The following COL16A1 variants were observed in gnomAD, a reference collection of about 807,000 sequenced individuals.
COL16A1 encodes the protein collagen type XVI alpha 1 chain, also known as collagen alpha-1(XVI) chain.
Under a neutral mutation model 266.3 loss-of-function variants are expected in COL16A1, and 189 were observed. The observed-to-expected ratio is 0.71, with a 90% CI of 0.63 to 0.80. The LOEUF (loss-of-function observed/expected upper bound fraction) is 0.80, where lower values mean the gene tolerates loss of function less well. Ranked by LOEUF, COL16A1 falls within the 30% of genes least tolerant of loss-of-function variation. The probability of loss-of-function intolerance (pLI) is 0.00; values close to 1 mark genes in which losing one functional copy is unlikely to be tolerated. For synonymous variants in COL16A1, 740 were observed against 782.3 expected, an observed-to-expected ratio of 0.95 and a Z score of 0.90; for missense variants, 1,928 against 2,122.4, an observed-to-expected ratio of 0.91 and a Z score of 1.80.
intron 39 of COL16A1, among the ~76,000 whole-genome samples, chr1:31,680,387 C>A (rs1643543738): frequency 1.3e-5 from 2 of 152,204 alleles, no homozygotes; most frequent in Admixed American, 1.3e-4. Flanking sequence ...AAACGATGGT[C>A]CTGCTGTTAC....
chr1:31,701,366 G>C (rs1161482598), intron 2 of COL16A1: 2 of 985,264 alleles, frequency 2.0e-6, no homozygotes, highest in East Asian at 2.3e-4. Flanking sequence ...GCACATACAA[G>C]GGGCAGGCGG....
chr1:31,679,728 C>T (rs1643465912), intron 41 of COL16A1, 43 bp from the exon 42 acceptor site: 1 of 1,612,026 alleles, frequency 6.2e-7, no homozygotes, highest in Non-Finnish European at 8.5e-7. Flanking sequence ...GAGAGCTCTG[C>T]CCCATGGCCG....
Position 31,668,909 on chromosome 1 carries a change from CCT to C in COL16A1, c.3196-56_3196-55del. 6.5e-7 allele frequency: 1 copy of C among 1,530,932 alleles called. No individual in the cohort carries two copies. The highest frequency in any genetic ancestry group is 9.0e-7 in the Non-Finnish European group (1 of 1,114,436). 94.8% of individuals were successfully genotyped at this position (1,530,932 alleles called of 1,614,324 possible). ...AGGAGCCGGCGGTCCCCACCCAGCC[CCT>C]GACTCCTTCCCCCTGCCCCACTGCC... On this transcript the variant is annotated intron_variant, in intron 49 of 70. Transcript: ENST00000373672. This position sits in a 1 kb window ranked among gnomAD's most constrained non-coding sequence, Gnocchi z 5.8.
chr1:31,678,438 A>G (rs1643363986), intron 42 of COL16A1, among the ~76,000 whole-genome samples: 2 of 152,162 alleles, frequency 1.3e-5, no homozygotes, highest in South Asian at 2.1e-4. Flanking sequence ...AGTGCTTTGC[A>G]TGGGGAAGCC....
rs1641197552 is a variant in COL16A1, at chr1:31,656,785, G to A, written c.4056+248C>T. 4 of 525,288 alleles carry A rather than the reference G, an allele frequency of 7.6e-6. No individual in the cohort carries two copies. Among genetic ancestry groups the A allele is most frequent in the South Asian group, 2.8e-5 (1 of 35,736 alleles). 32.5% of individuals were successfully genotyped at this position (525,288 alleles called of 1,614,324 possible). A position where few individuals can be genotyped will look rare whatever the true frequency, so the allele number is the denominator to read the frequency against. ...GGAATTTATTATTATCATTATTATT[G>A]TTGTTGTTGTTGTTTCTTTTTGACC... On this transcript the variant is annotated intron_variant, in intron 65 of 70. Transcript: ENST00000373672. The surrounding 1 kb of genome is among the most constrained non-coding windows in gnomAD (Gnocchi z 4.2).
chr1:31,699,821 C>A lies in COL16A1; in HGVS notation c.258G>T (p.Gln86His). The change falls in exon 4 of 71, where the codon CAG (glutamine) becomes CAT (histidine). Residue 86 changes from glutamine (Q) to histidine (H), a missense_variant. By Grantham distance (24) the Gln-to-His change is conservative. Coordinates refer to ENST00000373672, the MANE Select transcript of COL16A1 (RefSeq NM_001856.4). ...ILRLGAAPVT[Q>H]PTRRVFPRGL... ...CACATGGATGCATTTACCGCGTGGGCTGGGTCACGGGGGCCGCCCCCAGGC... is the reference window on the plus strand; with the variant it reads ...CACATGGATGCATTTACCGCGTGGGATGGGTCACGGGGGCCGCCCCCAGGC... The A allele has an allele frequency of 6.2e-7, 1 of 1,605,728 alleles. No individual in the cohort carries two copies. The highest frequency in any genetic ancestry group is 8.5e-7 in the Non-Finnish European group (1 of 1,172,788).
Position 31,670,461 on chromosome 1 carries a change from C to T in COL16A1, c.3195+141G>A, listed in dbSNP as rs1642558322. On this transcript the variant is annotated intron_variant, in intron 49 of 70. Transcript: ENST00000373672. This position sits in a 1 kb window ranked among gnomAD's most constrained non-coding sequence, Gnocchi z 4.5. ...CAAGCTGCCGGGACCTCAGAGAACC[C>T]GTGTCGTTAGCTACCGTGCCTGAAG... 10 of 1,121,218 alleles carry T rather than the reference C, an allele frequency of 8.9e-6. No homozygotes were observed. Among genetic ancestry groups the T allele is most frequent in the Middle Eastern group, 2.6e-4 (1 of 3,898 alleles). The allele number at this position is 1,121,218 out of a possible 1,614,324, so 69.5% of individuals were successfully genotyped here.
At chr1:31,690,289 G>A (rs972446677) in intron 22 of COL16A1, 78 bp downstream of exon 22, 2 of 1,599,588 alleles carry the variant, frequency 1.3e-6, no homozygotes, top group Non-Finnish European at 1.7e-6. Flanking sequence ...TAGGCCTAGG[G>A]CCCTTGATGC....
At position 31,670,642 on chromosome 1, in the gene COL16A1, G is replaced by A; in HGVS notation, c.3155C>T (p.Pro1052Leu). ...GSPGPPGPIG[P>L]PGFPGAVGSP... ...GCCAACAGCACCAGGAAAACCTGGG[G>A]GGCCCTGGTGGGAGAAACAGGCAGG... Residue 1052 changes from proline (P) to leucine (L), a missense_variant, in exon 49 of 71, where the codon CCC becomes CTC. Pro to Leu is a moderately conservative substitution (Grantham distance 98, BLOSUM62 -3). Around this residue, in one of 2 missense-constraint regions of COL16A1, gnomAD observed 1,552 missense variants for 1,637.2 expected, o/e 0.95. Coordinates refer to ENST00000373672, the MANE Select transcript of COL16A1 (RefSeq NM_001856.4). The surrounding 1 kb of genome is among the most constrained non-coding windows in gnomAD (Gnocchi z 4.5). 1 of 1,431,100 alleles carries A rather than the reference G, an allele frequency of 7.0e-7. No homozygotes were observed. Among genetic ancestry groups the A allele is most frequent in the Non-Finnish European group, 9.1e-7 (1 of 1,097,082 alleles). 88.7% of individuals were successfully genotyped at this position (1,431,100 alleles called of 1,614,324 possible).
At position 31,668,895 on chromosome 1, in the gene COL16A1, G is replaced by A; in HGVS notation, c.3196-40C>T. 6.3e-7 allele frequency: 1 copy of A among 1,590,364 alleles called. No homozygotes were observed. Among genetic ancestry groups the A allele is most frequent in the Non-Finnish European group, 8.6e-7 (1 of 1,163,590 alleles). Reference sequence around the variant, plus strand: ...TCATGAGAAACTGCAGGAGCCGGCGGTCCCCACCCAGCCCCTGACTCCTTC... The same window carrying A: ...TCATGAGAAACTGCAGGAGCCGGCGATCCCCACCCAGCCCCTGACTCCTTC... On this transcript the variant is annotated intron_variant, in intron 49 of 70. Transcript: ENST00000373672. This position sits in a 1 kb window ranked among gnomAD's most constrained non-coding sequence, Gnocchi z 5.8.
At chr1:31,673,151 C>T (rs1032372130) in intron 44 of COL16A1, 63 of 427,668 alleles carry the variant, frequency 1.5e-4, no homozygotes, top group Non-Finnish European at 2.7e-4. Flanking sequence ...CCGGCTGTTC[C>T]TGCAACCTGC....
At chr1:31,684,492 TC>T in intron 31 of COL16A1, 30 bp downstream of exon 31, 1 of 1,594,268 alleles carries the variant, frequency 6.3e-7, no homozygotes, top group Non-Finnish European at 8.5e-7. Context: ...TGCAACAAAC[TC>T]CCCGACCCCA....
intron 33 of COL16A1, 37 bp downstream of exon 33, chr1:31,683,913 C>G (rs770124910): frequency 1.2e-6 from 2 of 1,613,696 alleles, no homozygotes; most frequent in East Asian, 2.2e-5. Context: ...CCTGCCCTCA[C>G]GTAGCTACGG....
At chr1:31,674,982 A>G in intron 44 of COL16A1, 25 bp downstream of exon 44, 1 of 1,610,092 alleles carries the variant, frequency 6.2e-7, no homozygotes, top group Non-Finnish European at 8.5e-7. Flanking sequence ...GCCAGCTCAC[A>G]CTTCCCTCCT....
At position 31,700,064 on chromosome 1, in the gene COL16A1, C is replaced by T; in HGVS notation, c.125G>A (p.Ser42Asn). The T allele has an allele frequency of 6.2e-7, 1 of 1,614,168 alleles. No individual in the cohort carries two copies. Among genetic ancestry groups the T allele is most frequent in the Non-Finnish European group, 8.5e-7 (1 of 1,180,036 alleles). The change falls in exon 3 of 71, where the codon AGT becomes AAT. Residue 42 changes from serine (S) to asparagine (N), a missense_variant. By Grantham distance (46) the Ser-to-Asn change is conservative (BLOSUM62 1). This residue lies in a region of COL16A1 where 1,552 missense variants were observed against 1,637.2 expected (regional missense o/e 0.95). Transcript: ENST00000373672. ...ACCAGTCACGTTGGCTGGCAGGCTA[C>T]TACTGTGTTCCAATTTGAGTCCTTC... Reference protein sequence around the residue: ...QQEGLKLEHSSSLPANVTGFN... With the variant: ...QQEGLKLEHSNSLPANVTGFN...
At chr1:31,691,536 T>A (rs897015972) in intron 18 of COL16A1, 24 bp from the exon 19 acceptor site, 1 of 1,613,822 alleles carries the variant, frequency 6.2e-7, no homozygotes, top group African/African-American at 1.3e-5. Context: ...AAGGTGGGCA[T>A]CAGAGAGCTG....
At chr1:31,696,513 G>A (rs1455716035) in intron 8 of COL16A1, among the ~76,000 whole-genome samples, 1 of 152,264 alleles carries the variant, frequency 6.6e-6, no homozygotes, top group Non-Finnish European at 1.5e-5. Context: ...GCAGACAGCT[G>A]GCCATGGTGC....
intron 1 of COL16A1, 81 bp from the exon 2 acceptor site, chr1:31,702,308 T>A: frequency 6.9e-7 from 1 of 1,452,178 alleles, no homozygotes; most frequent in African/African-American, 1.4e-5. Context: ...GTGGACAGCC[T>A]GTGGGGCCCA....
intron 12 of COL16A1, 38 bp from the exon 13 acceptor site, chr1:31,693,192 G>A: frequency 7.3e-7 from 1 of 1,369,160 alleles, no homozygotes; most frequent in Non-Finnish European, 1.0e-6. Context: ...GGACCAGAGG[G>A]GGCACATGGG....
Sources: gnomAD v4.1 joint callset for allele counts (sites outside exome capture counted in the v4.1 genomes callset) on GRCh38, gnomAD v4.1.1 for gene constraint, gnomAD v4.1.1 regional missense constraint, Gnocchi (gnomAD v3.1) non-coding constraint, MANE v1.5 for transcripts, NCBI Gene and HGNC (gene_info 2026-07-23, HGNC 2026-07-21) for gene names.